Variants in PARD3 observed in about 807,000 individuals in gnomAD.
PARD3 encodes partitioning defective 3 homolog.
Under a neutral mutation model 155.4 loss-of-function variants are expected in PARD3, and 75 were observed. That is an observed-to-expected ratio of 0.48 (90% CI 0.40 to 0.58). PARD3 has a LOEUF of 0.58. PARD3 is among the 20% of genes least tolerant of loss of function. PARD3 has a pLI of 0.00. For missense variants in PARD3, 1,642 were observed against 1,721.7 expected, an observed-to-expected ratio of 0.95 and a Z score of 0.82; for synonymous variants, 576 against 610.5, an observed-to-expected ratio of 0.94 and a Z score of 0.83.
chr10:34,196,718 T>C (rs1051227253), intron 22 of PARD3, among the ~76,000 whole-genome samples: 5 of 151,632 alleles, frequency 3.3e-5, no homozygotes, highest in East Asian at 3.9e-4. Context: ...GGACTACAGG[T>C]GCCCGCCACC....
chr10:34,798,079 G>A (rs891216336), intron 1 of PARD3, among the ~76,000 whole-genome samples: 2 of 152,054 alleles, frequency 1.3e-5, no homozygotes, highest in Non-Finnish European at 2.9e-5. Context: ...CAGTGTTATG[G>A]GAGGCTGAGG....
At chr10:34,542,481 CA>C (rs1477111179) in intron 2 of PARD3, among the ~76,000 whole-genome samples, 22 of 152,056 alleles carry the variant, frequency 1.4e-4, no homozygotes, top group Non-Finnish European at 2.6e-4. Flanking sequence ...TAATCCAGTC[CA>C]AAATGTCATT....
At chr10:34,652,035 C>T (rs2093029107) in intron 2 of PARD3, among the ~76,000 whole-genome samples, 1 of 152,122 alleles carries the variant, frequency 6.6e-6, no homozygotes, top group African/African-American at 2.4e-5. Context: ...AGCATTTTTT[C>T]CTCCGGGTTC....
At chr10:34,759,578 A>G (rs936212682) in intron 1 of PARD3, among the ~76,000 whole-genome samples, 4 of 152,260 alleles carry the variant, frequency 2.6e-5, no homozygotes, top group Admixed American at 6.5e-5. Flanking sequence ...TTAAGCAAGT[A>G]AAAGAGAGCA....
intron 2 of PARD3, among the ~76,000 whole-genome samples, chr10:34,562,123 C>CAAAAAAAAA (rs3041198): frequency 7.6e-5 from 2 of 26,364 alleles, no homozygotes; most frequent in African/African-American, 2.6e-4. Flanking sequence ...CTGACTGTCT[C>CAAAAAAAAA]AAAAAAAAAA....
chr10:34,132,282 CT>C (rs1947653028), intron 22 of PARD3, among the ~76,000 whole-genome samples: 1 of 152,044 alleles, frequency 6.6e-6, no homozygotes. Context: ...TCAGAAATAC[CT>C]TATAAGATAG....
chr10:34,558,659 G>A (rs550897262), intron 2 of PARD3, among the ~76,000 whole-genome samples: 22 of 152,222 alleles, frequency 1.4e-4, no homozygotes, highest in South Asian at 2.1e-4. Context: ...GGCCTGGTGC[G>A]GTGGCTCATG....
chr10:34,557,957 A>G (rs1271339574), intron 2 of PARD3, among the ~76,000 whole-genome samples: 1 of 151,898 alleles, frequency 6.6e-6, no homozygotes, highest in Non-Finnish European at 1.5e-5. Flanking sequence ...AAAAAAAGAA[A>G]GAAAGAAAAA....
chr10:34,339,482 A>G (rs1410554224), intron 16 of PARD3, among the ~76,000 whole-genome samples: 6 of 152,210 alleles, frequency 3.9e-5, no homozygotes, highest in Non-Finnish European at 8.8e-5. Context: ...TTTCAAAGAA[A>G]TACAAATTGT....
At chr10:34,807,984 A>G (rs565622861) in intron 1 of PARD3, among the ~76,000 whole-genome samples, 4 of 152,372 alleles carry the variant, frequency 2.6e-5, no homozygotes, top group Non-Finnish European at 4.4e-5. Context: ...TTACTTATTT[A>G]CTAAATAAGT....
intron 24 of PARD3, among the ~76,000 whole-genome samples, chr10:34,119,179 C>A (rs547545570): frequency 6.6e-6 from 1 of 152,192 alleles, no homozygotes; most frequent in Non-Finnish European, 1.5e-5. Flanking sequence ...TCCCACACAA[C>A]CACGGCGTAT....
intron 2 of PARD3, among the ~76,000 whole-genome samples, chr10:34,655,098 C>T (rs2093129232): frequency 6.6e-6 from 1 of 151,416 alleles, no homozygotes; most frequent in African/African-American, 2.4e-5. Context: ...CAGCTACTCC[C>T]TTTATCTAGT....
chr10:34,150,064 T>A (rs1189994938), intron 22 of PARD3, among the ~76,000 whole-genome samples: 1 of 152,212 alleles, frequency 6.6e-6, no homozygotes, highest in Non-Finnish European at 1.5e-5. Flanking sequence ...TTGTTAAGTA[T>A]GAAATATAAA....
intron 1 of PARD3, among the ~76,000 whole-genome samples, chr10:34,697,363 T>C (rs141438225): frequency 6.6e-6 from 1 of 152,340 alleles, no homozygotes; most frequent in African/African-American, 2.4e-5. Context: ...AAGATGATGT[T>C]TGATACAGTT....
chr10:34,457,473 C>T lies in PARD3; in HGVS notation c.583-7025G>A, dbSNP rs2077398872. 2.0e-5 allele frequency among the ~76,000 whole-genome samples: 3 copies of T among 152,308 alleles called. No individual in the cohort carries two copies. In the South Asian group the frequency reaches 6.2e-4, roughly 32 times the overall value. On this transcript the variant is annotated intron_variant, in intron 4 of 24. Coordinates refer to ENST00000374788, the MANE Select transcript of PARD3 (RefSeq NM_001184785.2). ...GAAGCTAGACAACAGCTAGGTTAAC[C>T]TCTTACTGACTGAAAGAAGAAACAG...
At chr10:34,643,259 T>C (rs1359438942) in intron 2 of PARD3, among the ~76,000 whole-genome samples, 2 of 152,214 alleles carry the variant, frequency 1.3e-5, no homozygotes, top group African/African-American at 4.8e-5. Context: ...TCCCTTTATG[T>C]GTTCTGTGGT....
At chr10:34,476,612 G>T (rs2078722213) in intron 3 of PARD3, among the ~76,000 whole-genome samples, 1 of 152,076 alleles carries the variant, frequency 6.6e-6, no homozygotes, top group Non-Finnish European at 1.5e-5. Context: ...AGGCTGCATT[G>T]CTGGGTTTAG....
chr10:34,620,550 T>C (rs149315598), intron 2 of PARD3, among the ~76,000 whole-genome samples: 25 of 152,248 alleles, frequency 1.6e-4, no homozygotes, highest in East Asian at 7.7e-4. Context: ...ACGAGGCTGT[T>C]TGATGAACAA....
chr10:34,769,246 C>T (rs945644817), intron 1 of PARD3, among the ~76,000 whole-genome samples: 3 of 152,118 alleles, frequency 2.0e-5, no homozygotes, highest in Non-Finnish European at 2.9e-5. Flanking sequence ...ACCGGTACGG[C>T]GACCACCAGG....
Sources: gnomAD v4.1 joint callset for allele counts (sites outside exome capture counted in the v4.1 genomes callset) on GRCh38, gnomAD v4.1.1 for gene constraint, MANE v1.5 for transcripts, NCBI Gene and HGNC (gene_info 2026-07-23, HGNC 2026-07-21) for gene names.